OR4C11: variants seen among roughly 807,000 people sequenced by gnomAD.
OR4C11 encodes the protein olfactory receptor family 4 subfamily C member 11.
OR4C11 carries 15 observed loss-of-function variants against 14.7 expected under a neutral mutation model. The ratio of observed to expected loss-of-function variants is 1.02; its 90% CI spans 0.68 to 1.58. OR4C11 has a LOEUF of 1.58. OR4C11 is among the 40% of genes most tolerant of loss of function. The pLI is 0.00. For missense variants in OR4C11, 473 were observed against 383.0 expected (o/e 1.24, Z -1.96); for synonymous variants, 146 against 135.0 (o/e 1.08, Z -0.57).
chr11:55,605,702 A>G (rs1309782068), intron 2 of OR4C11, among the ~76,000 whole-genome samples: 1 of 138,578 alleles, frequency 7.2e-6, no homozygotes, highest in Non-Finnish European at 1.6e-5. Context: ...AAAATATGAC[A>G]CAAATGAACA....
chr11:55,602,654 A>G lies in OR4C11; in HGVS notation c.*787T>C, dbSNP rs1485215044. On this transcript the variant is annotated 3_prime_UTR_variant, in exon 4 of 4. Coordinates refer to ENST00000641580, the MANE Select transcript of OR4C11 (RefSeq NM_001004700.3). ...TGTGATAATTTTATTTATTTCATTG[A>G]CATCACCCAACTTTAAACACAATAG... 7.2e-6 allele frequency: 1 copy of G among 138,612 alleles called. No homozygotes were observed. Among genetic ancestry groups the G allele is most frequent in the Non-Finnish European group, 1.6e-5 (1 of 62,240 alleles). The allele number at this position is 138,612 out of a possible 1,614,324, so 8.6% of individuals were successfully genotyped here.
rs1329399268 is a variant in OR4C11 at position 55,606,355 on chromosome 11, A to G, written c.-207+167T>C. On this transcript the variant is annotated intron_variant, in intron 2 of 3. Transcript: ENST00000641580. ...CACACCTGCATATTTCTATACATGA[A>G]TTATAGTAGAAGAGTATGAAAAAAC... 3.6e-5 allele frequency among the ~76,000 whole-genome samples: 5 copies of G among 138,432 alleles called. 1 individual carries two copies. The highest frequency in any genetic ancestry group is 6.4e-5 in the Non-Finnish European group (4 of 62,236). 90.8% of individuals were successfully genotyped at this position (138,432 alleles called of 152,430 possible). A position where few individuals can be genotyped will look rare whatever the true frequency, so the allele number is the denominator to read the frequency against.
chr11:55,604,358 T>C lies in OR4C11; in HGVS notation c.16A>G (p.Ser6Gly). 1.5e-6 allele frequency: 2 copies of C among 1,331,664 alleles called. No individual in the cohort carries two copies. The highest frequency in any genetic ancestry group is 1.0e-6 in the Non-Finnish European group (1 of 981,952). The allele number at this position is 1,331,664 out of a possible 1,614,324, so 82.5% of individuals were successfully genotyped here. ...CCTAACAGTATGAATTCAGGCACACTGTTATTTTGCTGCATTGTTTCAGTT... is the reference window on the plus strand; with the variant it reads ...CCTAACAGTATGAATTCAGGCACACCGTTATTTTGCTGCATTGTTTCAGTT... The part of the protein sequence containing the change: MQQNN[S>G]VPEFILLGLT... The change falls in exon 4 of 4, where the codon AGT (serine) becomes GGT (glycine). Residue 6 changes from serine (S) to glycine (G), a missense_variant. Transcript: ENST00000641580.
chr11:55,602,771 C>A lies in OR4C11; in HGVS notation c.*670G>T, dbSNP rs1448236966. ...ATCTCCAGTATATTAGCCTCTGACT[C>A]AAAAATACAGAACTTTTTAAATACA... On this transcript the variant is annotated 3_prime_UTR_variant, in exon 4 of 4. Coordinates refer to ENST00000641580, the MANE Select transcript of OR4C11 (RefSeq NM_001004700.3). 2 of 138,666 alleles carry A rather than the reference C, an allele frequency of 1.4e-5. No individual in the cohort carries two copies. The highest frequency in any genetic ancestry group is 7.8e-5 in the Admixed American group (1 of 12,780). The allele number at this position is 138,666 out of a possible 1,614,324, so 8.6% of individuals were successfully genotyped here.
Position 55,603,759 on chromosome 11 carries a change from G to C in OR4C11, c.615C>G (p.Cys205Trp). 4.0e-6 allele frequency: 6 copies of C among 1,490,334 alleles called. No individual in the cohort carries two copies. The highest frequency in any genetic ancestry group is 3.7e-6 in the Non-Finnish European group (4 of 1,095,526). 92.3% of individuals were successfully genotyped at this position (1,490,334 alleles called of 1,614,324 possible). A position where few individuals can be genotyped will look rare whatever the true frequency, so the allele number is the denominator to read the frequency against. The change falls in exon 4 of 4, where the codon TGC becomes TGG. Residue 205 changes from cysteine (C) to tryptophan (W), a missense_variant. Transcript: ENST00000641580. Reference sequence around the variant, plus strand: ...TTATCAAAATCATGAAACTACTTGAGCAAATTGCCCCACTGTTAGACACCA... The same window carrying C: ...TTATCAAAATCATGAAACTACTTGACCAAATTGCCCCACTGTTAGACACCA... ...LLLVSNSGAICSSSFMILIIS... is the reference protein window; with the variant it reads ...LLLVSNSGAIWSSSFMILIIS...
In OR4C11 at chr11:55,607,467, C is replaced by A. The variant is rs921697506; in HGVS notation, c.-545G>T. 7.2e-6 allele frequency: 1 copy of A among 138,452 alleles called. No individual in the cohort carries two copies. Among genetic ancestry groups the A allele is most frequent in the Non-Finnish European group, 1.6e-5 (1 of 62,270 alleles). 8.6% of individuals were successfully genotyped at this position (138,452 alleles called of 1,614,324 possible). A position where few individuals can be genotyped will look rare whatever the true frequency, so the allele number is the denominator to read the frequency against. On this transcript the variant is annotated 5_prime_UTR_variant, in exon 1 of 4. Transcript: ENST00000641580. ...ATCCACCTTCTCTGAATGTTAGATA[C>A]GACTAAGTTATTCTCCTATACAGAC...
rs759376364 is a variant in OR4C11 at position 55,603,579 on chromosome 11, CA to C, written c.794del (p.Met265ArgfsTer23). The C allele has an allele frequency of 6.8e-7, 1 of 1,479,368 alleles. No individual in the cohort carries two copies. Among genetic ancestry groups the C allele is most frequent in the African/African-American group, 1.4e-5 (1 of 72,382 alleles). 91.6% of individuals were successfully genotyped at this position (1,479,368 alleles called of 1,614,324 possible). On this transcript the variant is annotated frameshift_variant, in exon 4 of 4. Coordinates refer to ENST00000641580, the MANE Select transcript of OR4C11 (RefSeq NM_001004700.3). LOFTEE classifies it high-confidence loss of function. ...IYTRPPTTFP[M>X]DKMVAVFYTI... ...TATAAAATACTGCCACCATCTTGTCCATGGGGAAAGTGGTCGGGGGGCGTGT... is the reference window on the plus strand; with the variant it reads ...TATAAAATACTGCCACCATCTTGTCCTGGGGAAAGTGGTCGGGGGGCGTGT...
chr11:55,604,302 T>C lies in OR4C11; in HGVS notation c.72A>G (p.Ile24Met), dbSNP rs1565064751. ...GLTQDPLRQK[I>M]VFVIFLIFYM... ...AGAAAATTAAGAAGATTACAAACAC[T>C]ATTTTCTGCCTCAAGGGATCCTGTG... is the stretch of plus-strand genomic sequence containing the variant. The change falls in exon 4 of 4, where the codon ATA (isoleucine) becomes ATG (methionine). Residue 24 changes from isoleucine to methionine, a missense_variant. Transcript: ENST00000641580. 1 of 1,421,022 alleles carries C rather than the reference T, an allele frequency of 7.0e-7. No individual in the cohort carries two copies. The allele number at this position is 1,421,022 out of a possible 1,614,324, so 88.0% of individuals were successfully genotyped here.
rs771409911 is a variant in OR4C11, at chr11:55,603,836, G to A, written c.538C>T (p.Gln180Ter). ...YLIDHYCCDL[Q>*]PLLKLACMDT... Reference sequence around the variant, plus strand: ...ATGCAGGCAAGTTTCAACAAGGGCTGCAAATCACAGCAATAATGATCAATC... The same window carrying A: ...ATGCAGGCAAGTTTCAACAAGGGCTACAAATCACAGCAATAATGATCAATC... Residue 180 changes from glutamine to a stop codon, truncating the protein, a stop_gained, in exon 4 of 4, where the codon CAG becomes TAG. Coordinates refer to ENST00000641580, the MANE Select transcript of OR4C11 (RefSeq NM_001004700.3). LOFTEE classifies it high-confidence loss of function. 8 of 1,491,414 alleles carry A rather than the reference G, an allele frequency of 5.4e-6. 3 individuals are homozygous for A. The Admixed American group carries it at 1.4e-4, about 26-fold the overall frequency. 92.4% of individuals were successfully genotyped at this position (1,491,414 alleles called of 1,614,324 possible).
intron 2 of OR4C11, among the ~76,000 whole-genome samples, chr11:55,605,860 T>A (rs1244973822): frequency 1.4e-5 from 2 of 138,744 alleles, no homozygotes; most frequent in African/African-American, 2.5e-5. Flanking sequence ...AATAAAGTAA[T>A]CCTTTTGATA....
rs1857901183 is a variant in OR4C11 at position 55,602,837 on chromosome 11, G to C, written c.*604C>G. On this transcript the variant is annotated 3_prime_UTR_variant, in exon 4 of 4. Coordinates refer to ENST00000641580, the MANE Select transcript of OR4C11 (RefSeq NM_001004700.3). ...GTAAATGGGCATCTTGATATACTGA[G>C]TTAGTTCCTTTTCCCTAGAAGTGTT... The C allele has an allele frequency of 2.2e-5, 3 of 139,088 alleles. 1 individual carries two copies. Among genetic ancestry groups the C allele is most frequent in the Non-Finnish European group, 4.8e-5 (3 of 62,396 alleles). 8.6% of individuals were successfully genotyped at this position (139,088 alleles called of 1,614,324 possible).
In OR4C11 at chr11:55,603,181, G is replaced by T. The variant is rs559774988; in HGVS notation, c.*260C>A. 28 of 294,130 alleles carry T rather than the reference G, an allele frequency of 9.5e-5. 3 individuals are homozygous for T. The East Asian group carries it at 1.8e-3, about 19-fold the overall frequency. 18.2% of individuals were successfully genotyped at this position (294,130 alleles called of 1,614,324 possible). ...AGGCTTACACTTTAGAAAATGCATG[G>T]CTGGAAAGGAAGATAATCTGAAAAG... is the stretch of plus-strand genomic sequence containing the variant. On this transcript the variant is annotated 3_prime_UTR_variant, in exon 4 of 4. Coordinates refer to ENST00000641580, the MANE Select transcript of OR4C11 (RefSeq NM_001004700.3).
chr11:55,605,376 T>G (rs965048013), intron 2 of OR4C11, 89 bp from the exon 3 acceptor site: 13 of 136,884 alleles, frequency 9.5e-5, no homozygotes, highest in African/African-American at 3.4e-4. Flanking sequence ...CATCAGTGAT[T>G]TAGAAAATGA....
chr11:55,603,257 T>C lies in OR4C11; in HGVS notation c.*184A>G, dbSNP rs188239786. On this transcript the variant is annotated 3_prime_UTR_variant, in exon 4 of 4. Transcript: ENST00000641580. ...TGAATTAATCTATATTCTACCTAGT[T>C]CTGGCACAAAAGACAATGTCTTGGT... 3.2e-4 allele frequency: 144 copies of C among 455,532 alleles called. 8 individuals carry two copies. The highest frequency in any genetic ancestry group is 2.7e-3 in the African/African-American group (137 of 50,590). 28.2% of individuals were successfully genotyped at this position (455,532 alleles called of 1,614,324 possible).
In OR4C11 at chr11:55,602,559, T is replaced by C. The variant is rs985411718; in HGVS notation, c.*882A>G. On this transcript the variant is annotated 3_prime_UTR_variant, in exon 4 of 4. Transcript: ENST00000641580. Reference sequence around the variant, plus strand: ...GAATAAATAGAGATGTAACTTCCTATAGCAGTAGTGGGTTCCCTGTTTAGG... The same window carrying C: ...GAATAAATAGAGATGTAACTTCCTACAGCAGTAGTGGGTTCCCTGTTTAGG... 3 of 138,470 alleles carry C rather than the reference T, an allele frequency of 2.2e-5. 1 individual carries two copies. Among genetic ancestry groups the C allele is most frequent in the Non-Finnish European group, 4.8e-5 (3 of 62,204 alleles). 8.6% of individuals were successfully genotyped at this position (138,470 alleles called of 1,614,324 possible).
chr11:55,603,434 C>T lies in OR4C11; in HGVS notation c.*7G>A. ...GACTGAAAAAGTAATCAGGTCAGGC[C>T]CTCAATTTATCCTTTGTTTTCTGAA... is the stretch of plus-strand genomic sequence containing the variant. On this transcript the variant is annotated 3_prime_UTR_variant, in exon 4 of 4. Coordinates refer to ENST00000641580, the MANE Select transcript of OR4C11 (RefSeq NM_001004700.3). 4 of 1,327,314 alleles carry T rather than the reference C, an allele frequency of 3.0e-6. No homozygotes were observed. The highest frequency in any genetic ancestry group is 2.7e-5 in the South Asian group (2 of 73,490). The allele number at this position is 1,327,314 out of a possible 1,614,324, so 82.2% of individuals were successfully genotyped here. A position where few individuals can be genotyped will look rare whatever the true frequency, so the allele number is the denominator to read the frequency against.
In OR4C11 at chr11:55,604,226, T is replaced by A; in HGVS notation, c.148A>T (p.Ser50Cys). 6.8e-7 allele frequency: 1 copy of A among 1,477,558 alleles called. No individual in the cohort carries two copies. The highest frequency in any genetic ancestry group is 9.2e-7 in the Non-Finnish European group (1 of 1,084,300). 91.5% of individuals were successfully genotyped at this position (1,477,558 alleles called of 1,614,324 possible). A position where few individuals can be genotyped will look rare whatever the true frequency, so the allele number is the denominator to read the frequency against. ...TACATGGGGCTTCCTAGTGTCCGGC[T>A]GGACTTGATGGTCACAATAATGAGC... ...NMLIIVTIKS[S>C]RTLGSPMYFF... Residue 50 changes from serine (S) to cysteine (C), a missense_variant, in exon 4 of 4, where the codon AGC (serine) becomes TGC (cysteine). By Grantham distance (112) the Ser-to-Cys change is moderately radical. Transcript: ENST00000641580.
Position 55,603,371 on chromosome 11 carries a change from T to C in OR4C11, c.*70A>G. 1 of 761,768 alleles carries C rather than the reference T, an allele frequency of 1.3e-6. No homozygotes were observed. Among genetic ancestry groups the C allele is most frequent in the Non-Finnish European group, 2.0e-6 (1 of 496,488 alleles). 47.2% of individuals were successfully genotyped at this position (761,768 alleles called of 1,614,324 possible). A position where few individuals can be genotyped will look rare whatever the true frequency, so the allele number is the denominator to read the frequency against. On this transcript the variant is annotated 3_prime_UTR_variant, in exon 4 of 4. Coordinates refer to ENST00000641580, the MANE Select transcript of OR4C11 (RefSeq NM_001004700.3). ...TTCCCACAGCATTCAGGTACTTTCC[T>C]ATTTGCTGTCTATACTTACTCTGTT...
Position 55,607,274 on chromosome 11 carries a change from C to T in OR4C11, c.-365+13G>A, listed in dbSNP as rs1418257685. The stretch of plus-strand genomic sequence containing the variant: ...TTAATTATCTCCTACCCACTTCTAC[C>T]AACAGCTCTTACCTGGTAGTGCCCA... On this transcript the variant is annotated intron_variant, in intron 1 of 3. Coordinates refer to ENST00000641580, the MANE Select transcript of OR4C11 (RefSeq NM_001004700.3). 3.6e-5 allele frequency: 5 copies of T among 138,502 alleles called. No individual in the cohort carries two copies. Among genetic ancestry groups the T allele is most frequent in the African/African-American group, 1.0e-4 (4 of 39,906 alleles). 8.6% of individuals were successfully genotyped at this position (138,502 alleles called of 1,614,324 possible). A position where few individuals can be genotyped will look rare whatever the true frequency, so the allele number is the denominator to read the frequency against.
Sources: allele counts gnomAD v4.1 joint callset (sites outside exome capture counted in the v4.1 genomes callset), GRCh38; gene constraint gnomAD v4.1.1; transcripts MANE v1.5; gene names NCBI Gene and HGNC (gene_info 2026-07-23, HGNC 2026-07-21).